TPP2: variants seen among roughly 807,000 people sequenced by gnomAD.
The protein encoded by TPP2 is tripeptidyl-peptidase 2.
Under a neutral mutation model 155.9 loss-of-function variants are expected in TPP2, and 34 were observed. The ratio of observed to expected loss-of-function variants is 0.22; its 90% CI spans 0.17 to 0.29. The LOEUF is 0.29. Among genes scored for constraint, TPP2 ranks in the 10% least tolerant of loss-of-function variants. The pLI is 1.00. For missense variants in TPP2, 1,028 were observed against 1,522.3 expected (o/e 0.68, Z 5.40); for synonymous variants, 510 against 529.4 (o/e 0.96, Z 0.50).
intron 14 of TPP2, 64 bp downstream of exon 14, chr13:102,637,303 A>T: frequency 6.6e-7 from 1 of 1,515,732 alleles, no homozygotes; most frequent in Non-Finnish European, 8.7e-7. Context: ...TTAAAAAAAA[A>T]TCCAAAGTAT....
chr13:102,630,536 T>C (rs761338785), intron 10 of TPP2, among the ~76,000 whole-genome samples: 1 of 152,204 alleles, frequency 6.6e-6, no homozygotes, highest in Non-Finnish European at 1.5e-5. Context: ...ATTTGAACTT[T>C]GGTGAAATGA....
At chr13:102,673,239 T>C (rs1885088825) in intron 27 of TPP2, among the ~76,000 whole-genome samples, 1 of 152,176 alleles carries the variant, frequency 6.6e-6, no homozygotes, top group Admixed American at 6.5e-5. Context: ...AGTTGTTGGG[T>C]TGATGGCTGT....
rs750156544 is a variant in TPP2, at chr13:102,657,148, A to G, written c.3084A>G (p.Lys1028=). 5.0e-6 allele frequency: 8 copies of G among 1,600,102 alleles called. No individual in the cohort carries two copies. The highest frequency in any genetic ancestry group is 4.1e-5 in the African/African-American group (3 of 73,876). Residue 1028 remains lysine (K), a synonymous_variant, in exon 25 of 30, where the codon AAA becomes AAG. Transcript: ENST00000376052. ...KDKEKDSEKE[K]DLKEEFTEAL... is the part of the protein sequence containing the mutation. ...AGGAAAAAGATTCAGAAAAAGAGAAAGATTTAAAAGAAGAGTTTACTGAAG... is the reference window on the plus strand; with the variant it reads ...AGGAAAAAGATTCAGAAAAAGAGAAGGATTTAAAAGAAGAGTTTACTGAAG...
At chr13:102,605,614 T>C (rs949485095) in intron 2 of TPP2, among the ~76,000 whole-genome samples, 4 of 151,934 alleles carry the variant, frequency 2.6e-5, no homozygotes, top group African/African-American at 9.7e-5. Flanking sequence ...CATGTTTTAC[T>C]GTCCCTTCAT....
chr13:102,635,384 A>AT (rs1882300373), intron 11 of TPP2, among the ~76,000 whole-genome samples: 1 of 152,210 alleles, frequency 6.6e-6, no homozygotes, highest in Non-Finnish European at 1.5e-5. Context: ...GAACACAGTG[A>AT]TTTTTGTGGA....
chr13:102,653,684 C>T (rs917651959), intron 24 of TPP2, among the ~76,000 whole-genome samples: 3 of 152,216 alleles, frequency 2.0e-5, no homozygotes, highest in Admixed American at 1.3e-4. Context: ...ACATGAGCCA[C>T]TGCACCCAGC....
chr13:102,643,184 A>G (rs1426765309), intron 16 of TPP2, 38 bp from the exon 17 acceptor site: 12 of 1,532,104 alleles, frequency 7.8e-6, no homozygotes, highest in South Asian at 6.4e-5. Context: ...TTTAGGTCTT[A>G]TAAGTTTAAA....
chr13:102,646,445 A>T, intron 20 of TPP2, 55 bp downstream of exon 20: 6 of 1,386,798 alleles, frequency 4.3e-6, no homozygotes, highest in Non-Finnish European at 5.0e-6. Flanking sequence ...TGTTTTATTT[A>T]TGATTCATAG....
intron 28 of TPP2, among the ~76,000 whole-genome samples, chr13:102,675,293 GTTA>G (rs1263404861): frequency 1.3e-5 from 2 of 152,138 alleles, no homozygotes; most frequent in Non-Finnish European, 2.9e-5. Context: ...CAGTTACTCA[GTTA>G]TATTTGGGAA....
Position 102,600,633 on chromosome 13 carries a change from CAT to C in TPP2, c.165+3431_165+3432del, listed in dbSNP as rs879664343. On this transcript the variant is annotated intron_variant, in intron 1 of 29. Transcript: ENST00000376052. ...GAAAGCATGTATCAAAATTGTATGA[CAT>C]GTGCTTGTAATGTTAAATGTTTTTG... Among the ~76,000 whole-genome samples the C allele has an allele frequency of 1.6e-4, 24 of 151,918 alleles. 1 individual carries two copies. The highest frequency in any genetic ancestry group is 4.6e-4 in the Admixed American group (7 of 15,266).
At chr13:102,613,526 C>G (rs1201756199) in intron 2 of TPP2, among the ~76,000 whole-genome samples, 4 of 152,100 alleles carry the variant, frequency 2.6e-5, no homozygotes, top group African/African-American at 7.2e-5. Context: ...GATTTTCTTC[C>G]TTTTACAGAT....
At chr13:102,618,594 A>G (rs1006207012) in intron 4 of TPP2, 128 bp from the exon 5 acceptor site, 1 of 1,267,572 alleles carries the variant, frequency 7.9e-7, no homozygotes, top group African/African-American at 1.5e-5. Context: ...GATAGAACAA[A>G]ATTTTCTTAC....
chr13:102,628,762 TATC>T (rs1881819618), intron 8 of TPP2, among the ~76,000 whole-genome samples: 1 of 152,212 alleles, frequency 6.6e-6, no homozygotes, highest in Admixed American at 6.5e-5. Flanking sequence ...TGCACCCTGT[TATC>T]ATGAGTCATT....
In TPP2 at chr13:102,621,108, A is replaced by G. The variant is rs554873998; in HGVS notation, c.621-1769A>G. Reference sequence around the variant, plus strand: ...AGTTATAACCTTGCACCACATTCATACTTGTCCTCTGTCGTGTTATTTAGA... The same window carrying G: ...AGTTATAACCTTGCACCACATTCATGCTTGTCCTCTGTCGTGTTATTTAGA... On this transcript the variant is annotated intron_variant, in intron 5 of 29. Transcript: ENST00000376052. Among the ~76,000 whole-genome samples, 4 of 152,272 alleles carry G rather than the reference A, an allele frequency of 2.6e-5. No homozygotes were observed. In the South Asian group the frequency reaches 6.2e-4, roughly 24 times the overall value.
intron 27 of TPP2, among the ~76,000 whole-genome samples, chr13:102,668,795 A>C (rs1230721036): frequency 1.3e-5 from 2 of 152,192 alleles, no homozygotes; most frequent in Non-Finnish European, 2.9e-5. Flanking sequence ...GCAAGGAACA[A>C]ATTATCTGGA....
At chr13:102,626,260 T>G (rs1444271382) in intron 6 of TPP2, among the ~76,000 whole-genome samples, 1 of 152,262 alleles carries the variant, frequency 6.6e-6, no homozygotes, top group Non-Finnish European at 1.5e-5. Context: ...TTCATTTATA[T>G]GAAAATTCAA....
intron 25 of TPP2, among the ~76,000 whole-genome samples, chr13:102,661,094 A>C (rs1412407486): frequency 8.3e-6 from 1 of 119,786 alleles, no homozygotes; most frequent in Non-Finnish European, 1.8e-5. Flanking sequence ...CCAAAAGCAT[A>C]AGTAACATAA....
At chr13:102,669,833 G>A (rs2139607629) in intron 27 of TPP2, among the ~76,000 whole-genome samples, 1 of 152,218 alleles carries the variant, frequency 6.6e-6, no homozygotes, top group African/African-American at 2.4e-5. Flanking sequence ...AGTGAGCTGT[G>A]GGCCCAAATG....
intron 24 of TPP2, 107 bp from the exon 25 acceptor site, chr13:102,656,949 T>A (rs775089552): frequency 7.3e-6 from 9 of 1,229,346 alleles, no homozygotes; most frequent in Non-Finnish European, 1.0e-5. Context: ...TACAGTGTAG[T>A]ACAACTTAGG....
Sources: allele counts gnomAD v4.1 joint callset (sites outside exome capture counted in the v4.1 genomes callset), GRCh38; gene constraint gnomAD v4.1.1; transcripts MANE v1.5; gene names NCBI Gene and HGNC (gene_info 2026-07-23, HGNC 2026-07-21).